Variants in IGSF10 observed in about 807,000 individuals in gnomAD.
IGSF10 encodes the protein calvaria mechanical force protein 608.
IGSF10 carries 126 observed loss-of-function variants against 128.2 expected under a neutral mutation model. The ratio of observed to expected loss-of-function variants is 0.98; its 90% CI spans 0.85 to 1.14. The LOEUF (loss-of-function observed/expected upper bound fraction) is 1.14. Among genes scored for constraint, IGSF10 ranks in the 50% most tolerant of loss-of-function variants. The pLI, the probability that IGSF10 is intolerant of heterozygous loss-of-function variation, is 0.00. For synonymous variants in IGSF10, 1,185 were observed against 1,146.2 expected (o/e 1.03, Z -0.68); for missense variants, 3,295 against 3,149.8 (o/e 1.05, Z -1.10).
chr3:151,574,896 G>A, the IGSF10 span, among the ~76,000 whole-genome samples: 1 of 152,054 alleles, frequency 6.6e-6, no homozygotes, highest in Non-Finnish European at 1.5e-5. Context: ...CTACAGATGG[G>A]GTTTTCGTGT....
the IGSF10 span, among the ~76,000 whole-genome samples, chr3:151,602,018 CTTAAGA>C: frequency 6.6e-6 from 1 of 151,394 alleles, no homozygotes; most frequent in Admixed American, 6.6e-5. Flanking sequence ...AAGTTAGCAT[CTTAAGA>C]TTTTTTTTTT....
In IGSF10 at chr3:151,447,061, T is replaced by C; in HGVS notation, c.2920A>G (p.Thr974Ala). The C allele has an allele frequency of 6.2e-7, 1 of 1,614,050 alleles. No individual in the cohort carries two copies. Among genetic ancestry groups the C allele is most frequent in the Non-Finnish European group, 8.5e-7 (1 of 1,179,942 alleles). Residue 974 changes from threonine (T) to alanine (A), a missense_variant, in exon 6 of 8, where the codon ACT (threonine) becomes GCT (alanine). Thr to Ala is a moderately conservative substitution (Grantham distance 58). Coordinates refer to ENST00000282466, the MANE Select transcript of IGSF10 (RefSeq NM_178822.5). The stretch of plus-strand genomic sequence containing the variant: ...AACGTGGAGGTGCTAAGTATTTGAG[T>C]AGTGTGAGAATAGAAGTGATTGTGC... ...PRHNHFYSHT[T>A]QILSTSTFPS... is the part of the protein sequence containing the mutation.
upstream of IGSF10, chr3:151,461,143 A>G (rs1307191554): frequency 3.0e-6 from 3 of 984,926 alleles, no homozygotes; most frequent in Non-Finnish European, 3.6e-6. Flanking sequence ...AGGATGAGAA[A>G]CGACCACCGG....
the IGSF10 span, among the ~76,000 whole-genome samples, chr3:151,567,435 C>T: frequency 6.6e-6 from 1 of 152,154 alleles, no homozygotes; most frequent in African/African-American, 2.4e-5. Context: ...TGGGAACTAA[C>T]AAGAAAAACT....
At chr3:151,583,970 T>C in the IGSF10 span, among the ~76,000 whole-genome samples, 1 of 152,228 alleles carries the variant, frequency 6.6e-6, no homozygotes, top group African/African-American at 2.4e-5. Context: ...TTTTGTTTTA[T>C]TAATTGTGTT....
chr3:151,450,470 C>A (rs1472874442), intron 5 of IGSF10, among the ~76,000 whole-genome samples: 1 of 152,194 alleles, frequency 6.6e-6, no homozygotes, highest in African/African-American at 2.4e-5. Context: ...ACACCAAACT[C>A]TTCTGCGTGT....
the IGSF10 span, among the ~76,000 whole-genome samples, chr3:151,486,188 G>T: frequency 6.6e-6 from 1 of 152,054 alleles, no homozygotes; most frequent in Admixed American, 6.6e-5. Context: ...TGATAAAACA[G>T]ATTTTATAAC....
chr3:151,535,176 A>G, the IGSF10 span, among the ~76,000 whole-genome samples: 4 of 152,374 alleles, frequency 2.6e-5, no homozygotes, highest in Non-Finnish European at 4.4e-5. Flanking sequence ...AAATCTAGTT[A>G]TCATCCCTTA....
chr3:151,509,475 T>C, the IGSF10 span, among the ~76,000 whole-genome samples: 2 of 152,172 alleles, frequency 1.3e-5, no homozygotes, highest in African/African-American at 2.4e-5. Flanking sequence ...TCCTTAAAGA[T>C]TTTATTAAAA....
chr3:151,584,002 A>T, the IGSF10 span, among the ~76,000 whole-genome samples: 1 of 152,148 alleles, frequency 6.6e-6, no homozygotes, highest in African/African-American at 2.4e-5. Flanking sequence ...AAATAGCCTT[A>T]CTAATTTTCT....
At chr3:151,618,770 A>C in the IGSF10 span, among the ~76,000 whole-genome samples, 1 of 150,106 alleles carries the variant, frequency 6.7e-6, no homozygotes, top group East Asian at 1.9e-4. Flanking sequence ...ATAAAAAATT[A>C]AAAAATTAAA....
the IGSF10 span, among the ~76,000 whole-genome samples, chr3:151,513,314 CA>C: frequency 1.6e-3 from 222 of 141,702 alleles, no homozygotes; most frequent in Admixed American, 3.0e-3. Flanking sequence ...GTTCAACATA[CA>C]AAAAAAAAAA....
At chr3:151,509,621 C>A in the IGSF10 span, among the ~76,000 whole-genome samples, 1 of 152,196 alleles carries the variant, frequency 6.6e-6, no homozygotes, top group Non-Finnish European at 1.5e-5. Flanking sequence ...GAGTGCCGGA[C>A]AGTGTGTGCA....
the IGSF10 span, among the ~76,000 whole-genome samples, chr3:151,511,975 T>A: frequency 2.0e-5 from 3 of 152,092 alleles, no homozygotes; most frequent in Admixed American, 6.6e-5. Flanking sequence ...AAGTCCTTAG[T>A]GACCTACAAA....
the IGSF10 span, among the ~76,000 whole-genome samples, chr3:151,516,180 G>T: frequency 2.0e-5 from 3 of 151,934 alleles, no homozygotes; most frequent in South Asian, 2.1e-4. Context: ...AACTCAGAAG[G>T]TTCCTCCATA....
chr3:151,527,634 G>A, the IGSF10 span, among the ~76,000 whole-genome samples: 3 of 152,160 alleles, frequency 2.0e-5, no homozygotes, highest in East Asian at 3.9e-4. Flanking sequence ...GGAATAAGCA[G>A]GAGAAAAAGC....
the IGSF10 span, among the ~76,000 whole-genome samples, chr3:151,566,816 A>T: frequency 2.6e-5 from 4 of 152,202 alleles, no homozygotes; most frequent in African/African-American, 9.6e-5. Context: ...AATTTCTTCA[A>T]TGTCAAGAAG....
In IGSF10 at chr3:151,461,000, G is replaced by GGTCCCGGGCTCA; in HGVS notation, c.-155_-144dup. On this transcript the variant is annotated 5_prime_UTR_variant, in exon 1 of 8. Coordinates refer to ENST00000282466, the MANE Select transcript of IGSF10 (RefSeq NM_178822.5). ...GCTGCCCGGGCTAGGTCCCGGGCTC[G>GGTCCCGGGCTCA]GTCCCGGGCTCAGCTGCTGGGGTCG... 1.0e-6 allele frequency: 1 copy of GGTCCCGGGCTCA among 984,416 alleles called. No homozygotes were observed. Among genetic ancestry groups the GGTCCCGGGCTCA allele is most frequent in the Non-Finnish European group, 1.2e-6 (1 of 829,072 alleles). The allele number at this position is 984,416 out of a possible 1,614,324, so 61.0% of individuals were successfully genotyped here. A position where few individuals can be genotyped will look rare whatever the true frequency, so the allele number is the denominator to read the frequency against.
chr3:151,617,813 G>A, the IGSF10 span, among the ~76,000 whole-genome samples: 1 of 152,066 alleles, frequency 6.6e-6, no homozygotes. Flanking sequence ...TGAGGGTTCT[G>A]CCCTCATGAA....
Sources: gnomAD v4.1 joint callset for allele counts (sites outside exome capture counted in the v4.1 genomes callset) on GRCh38, gnomAD v4.1.1 for gene constraint, MANE v1.5 for transcripts, NCBI Gene and HGNC (gene_info 2026-07-23, HGNC 2026-07-21) for gene names.